STOX1: variants seen among roughly 807,000 people sequenced by gnomAD.
The protein encoded by STOX1 is storkhead-box protein 1.
Under a neutral mutation model 74.8 loss-of-function variants are expected in STOX1, and 57 were observed. The observed-to-expected ratio is 0.76, with a 90% CI of 0.62 to 0.95. The LOEUF is 0.95. STOX1 is among the 40% of genes least tolerant of loss of function. The pLI, the probability that STOX1 is intolerant of heterozygous loss-of-function variation, is 0.00. For synonymous variants in STOX1, 375 were observed against 401.3 expected, an observed-to-expected ratio of 0.93 and a Z score of 0.78; for missense variants, 1,010 against 1,117.0, an observed-to-expected ratio of 0.90 and a Z score of 1.37.
intron 1 of STOX1, among the ~76,000 whole-genome samples, chr10:68,841,449 A>G (rs1333470489): frequency 1.3e-5 from 2 of 152,290 alleles, no homozygotes; most frequent in South Asian, 4.1e-4. Context: ...TAGATAGTTT[A>G]TAAATCTACA....
intron 2 of STOX1, among the ~76,000 whole-genome samples, chr10:68,883,652 G>C (rs555192989): frequency 6.6e-6 from 1 of 151,790 alleles, no homozygotes. Flanking sequence ...GAGTTAAAGC[G>C]ATCTGCCTGT....
chr10:68,871,496 G>A (rs1840535392), intron 1 of STOX1, among the ~76,000 whole-genome samples: 1 of 152,236 alleles, frequency 6.6e-6, no homozygotes, highest in Non-Finnish European at 1.5e-5. Context: ...CCCAAGGGAA[G>A]CCTTTAGCTT....
chr10:68,852,498 T>A (rs1840013654), intron 1 of STOX1, among the ~76,000 whole-genome samples: 1 of 151,914 alleles, frequency 6.6e-6, no homozygotes. Flanking sequence ...GACCTCATGA[T>A]CCACCAGCCT....
chr10:68,829,694 GCTGT>G (rs1377236551), intron 1 of STOX1, among the ~76,000 whole-genome samples: 7 of 152,076 alleles, frequency 4.6e-5, no homozygotes, highest in African/African-American at 1.4e-4. Context: ...TCACCTCCAT[GCTGT>G]CTGTTCCCTC....
intron 1 of STOX1, among the ~76,000 whole-genome samples, chr10:68,869,659 TTAGCTGAAGGGTAG>T (rs1298112034): frequency 1.3e-5 from 2 of 152,186 alleles, no homozygotes; most frequent in African/African-American, 4.8e-5. Flanking sequence ...GGTACAGTAC[TTAGCTGAAGGGTAG>T]TACAGTACTT....
intron 1 of STOX1, among the ~76,000 whole-genome samples, chr10:68,830,775 G>A (rs1043545676): frequency 6.6e-6 from 1 of 152,148 alleles, no homozygotes; most frequent in Non-Finnish European, 1.5e-5. Flanking sequence ...CCACCCATTA[G>A]GACATTTTGA....
Position 68,874,013 on chromosome 10 carries a change from C to CTTTTTTTTTTT in STOX1, c.311-7932_311-7922dup, listed in dbSNP as rs1160388935. On this transcript the variant is annotated intron_variant, in intron 1 of 3. Coordinates refer to ENST00000298596, the MANE Select transcript of STOX1 (RefSeq NM_152709.5). ...GAAAAATTGCAGATAGCTAGGTAGC[C>CTTTTTTTTTTT]TTTTTTTTTTTTTTTTTTTTTTTGC... Among the ~76,000 whole-genome samples the CTTTTTTTTTTT allele has an allele frequency of 3.1e-4, 8 of 25,756 alleles. 2 individuals carry two copies. The highest frequency in any genetic ancestry group is 9.0e-4 in the African/African-American group (5 of 5,540). The allele number at this position is 25,756 out of a possible 152,430, so 16.9% of individuals were successfully genotyped here.
chr10:68,839,751 G>A (rs111234692), intron 1 of STOX1, among the ~76,000 whole-genome samples: 7 of 152,178 alleles, frequency 4.6e-5, no homozygotes, highest in South Asian at 2.1e-4. Context: ...TTAGCCAGGC[G>A]TGGTAGTGGG....
intron 2 of STOX1, among the ~76,000 whole-genome samples, chr10:68,883,558 C>T (rs976249936): frequency 1.3e-5 from 2 of 151,944 alleles, no homozygotes; most frequent in Non-Finnish European, 2.9e-5. Context: ...GTACTACAGA[C>T]ACCCGCCACC....
chr10:68,852,103 C>T (rs1839999884), intron 1 of STOX1, among the ~76,000 whole-genome samples: 1 of 152,010 alleles, frequency 6.6e-6, no homozygotes, highest in Non-Finnish European at 1.5e-5. Context: ...CACCGCACTC[C>T]AGCCTGGGCG....
intron 1 of STOX1, among the ~76,000 whole-genome samples, chr10:68,835,666 C>G (rs767518132): frequency 3.3e-5 from 5 of 152,124 alleles, no homozygotes; most frequent in Non-Finnish European, 4.4e-5. Context: ...TGTTTTTAAA[C>G]ACATTAAGTT....
intron 1 of STOX1, among the ~76,000 whole-genome samples, chr10:68,841,109 G>T (rs1416911280): frequency 6.6e-6 from 1 of 151,956 alleles, no homozygotes; most frequent in African/African-American, 2.4e-5. Flanking sequence ...ACCAAGTCTG[G>T]CTCATTTTTG....
intron 1 of STOX1, among the ~76,000 whole-genome samples, chr10:68,834,504 C>G (rs1391280991): frequency 6.6e-6 from 1 of 152,210 alleles, no homozygotes; most frequent in African/African-American, 2.4e-5. Flanking sequence ...GGACATCTTA[C>G]AGCACTTCGT....
chr10:68,853,699 T>C (rs1840047349), intron 1 of STOX1, among the ~76,000 whole-genome samples: 1 of 152,022 alleles, frequency 6.6e-6, no homozygotes, highest in Non-Finnish European at 1.5e-5. Context: ...TGTTTTTTGT[T>C]TTTTGAGACG....
At chr10:68,878,093 A>G (rs997047569) in intron 1 of STOX1, among the ~76,000 whole-genome samples, 1 of 152,200 alleles carries the variant, frequency 6.6e-6, no homozygotes, top group African/African-American at 2.4e-5. Flanking sequence ...TCTGAGTTCC[A>G]AGTGCAGTGG....
chr10:68,831,429 G>A (rs1412042875), intron 1 of STOX1, among the ~76,000 whole-genome samples: 6 of 152,060 alleles, frequency 3.9e-5, no homozygotes, highest in African/African-American at 7.2e-5. Flanking sequence ...CAGGTGATCC[G>A]CCCGCCTCGG....
chr10:68,886,401 G>T lies in STOX1; in HGVS notation c.2605G>T (p.Val869Phe), dbSNP rs760585222. The part of the protein sequence containing the change: ...SARKASFEAE[V>F]IQDTIGDTGK... ...AAGAAAAGCCAGTTTTGAAGCTGAA[G>T]TCATACAAGACACTATTGGTGACAC... is the stretch of plus-strand genomic sequence containing the variant. Residue 869 changes from valine to phenylalanine, a missense_variant, in exon 3 of 4, where the codon GTC (valine) becomes TTC (phenylalanine). Transcript: ENST00000298596. 36 of 1,614,102 alleles carry T rather than the reference G, an allele frequency of 2.2e-5. No individual in the cohort carries two copies. In the African/African-American group the frequency reaches 4.7e-4, roughly 21 times the overall value.
chr10:68,834,235 G>A (rs1407410557), intron 1 of STOX1, among the ~76,000 whole-genome samples: 2 of 152,214 alleles, frequency 1.3e-5, no homozygotes, highest in African/African-American at 4.8e-5. Flanking sequence ...CTCTAGGAGT[G>A]TAGAGTGTAG....
At chr10:68,855,124 ATTTTTT>A (rs56333446) in intron 1 of STOX1, among the ~76,000 whole-genome samples, 1 of 136,530 alleles carries the variant, frequency 7.3e-6, no homozygotes, top group Admixed American at 7.2e-5. Context: ...TTAAAAAAAA[ATTTTTT>A]TTTTTTTTTT....
Sources: allele counts gnomAD v4.1 joint callset (sites outside exome capture counted in the v4.1 genomes callset), GRCh38; gene constraint gnomAD v4.1.1; transcripts MANE v1.5; gene names NCBI Gene and HGNC (gene_info 2026-07-23, HGNC 2026-07-21).